SYT16: variants seen among roughly 807,000 people sequenced by gnomAD.
The protein encoded by SYT16 is synaptotagmin-16.
In SYT16, 42 loss-of-function variants were observed where a neutral mutation model predicts 61.4. That is an observed-to-expected ratio of 0.68 (90% confidence interval 0.53 to 0.89). The LOEUF is 0.89. SYT16 is among the 40% of genes least tolerant of loss of function. The probability of loss-of-function intolerance (pLI) is 0.00; values close to 1 mark genes in which losing one functional copy is unlikely to be tolerated. For synonymous variants in SYT16, 314 were observed against 302.3 expected (o/e 1.04, Z -0.40); for missense variants, 804 against 807.3 (o/e 1.00, Z 0.05).
At chr14:62,033,805 A>G (rs1201111548) in intron 3 of SYT16, among the ~76,000 whole-genome samples, 3 of 152,194 alleles carry the variant, frequency 2.0e-5, no homozygotes, top group Non-Finnish European at 2.9e-5. Context: ...ATGCAAAGCC[A>G]TATTAGATAT....
rs114742623 is a variant in SYT16 at position 61,821,166 on chromosome 14, A to G, written c.-325+8356A>G. Among the ~76,000 whole-genome samples the G allele has an allele frequency of 4.3e-3, 647 of 152,206 alleles. 3 individuals are homozygous for G. Among genetic ancestry groups the G allele is most frequent in the African/African-American group, 0.015 (609 of 41,564 alleles). On this transcript the variant is annotated intron_variant, in intron 1 of 7. Transcript: ENST00000683842. ...AACAGCCCTCCCCTTCTTCTCCACA[A>G]GAAAAAGGTAGAGGATGACCCCTCT... is the stretch of plus-strand genomic sequence containing the variant.
At chr14:61,840,973 G>A (rs1007303943) in intron 1 of SYT16, among the ~76,000 whole-genome samples, 10 of 152,138 alleles carry the variant, frequency 6.6e-5, no homozygotes, top group African/African-American at 9.7e-5. Context: ...AATAATCAAC[G>A]GAACAGTCAC....
intron 3 of SYT16, among the ~76,000 whole-genome samples, chr14:61,999,566 T>C (rs1235863510): frequency 1.3e-5 from 2 of 151,764 alleles, no homozygotes; most frequent in Non-Finnish European, 3.0e-5. Context: ...ATATCTCATT[T>C]TTGGTTTAAT....
At position 62,080,716 on chromosome 14, in the gene SYT16, G is replaced by T. The variant is rs553628502; in HGVS notation, c.994-118G>T. ...TAAACAGACCTATCTGATATAGAGG[G>T]AATACACTGGCAGTTAGAAAGCAGG... On this transcript the variant is annotated intron_variant, in intron 5 of 7. Coordinates refer to ENST00000683842, the MANE Select transcript of SYT16 (RefSeq NM_001367656.1). 3.2e-5 allele frequency: 32 copies of T among 985,636 alleles called. No homozygotes were observed. The African/African-American group carries it at 4.9e-4, about 15-fold the overall frequency. 61.1% of individuals were successfully genotyped at this position (985,636 alleles called of 1,614,324 possible). A position where few individuals can be genotyped will look rare whatever the true frequency, so the allele number is the denominator to read the frequency against.
chr14:61,834,505 T>C (rs953767127), intron 1 of SYT16, among the ~76,000 whole-genome samples: 10 of 142,430 alleles, frequency 7.0e-5, no homozygotes. Context: ...TGGTGTGATC[T>C]CGGCTCACTG....
chr14:61,947,689 A>G (rs1329120311), intron 1 of SYT16, among the ~76,000 whole-genome samples: 1 of 152,216 alleles, frequency 6.6e-6, no homozygotes, highest in Non-Finnish European at 1.5e-5. Flanking sequence ...GAATATGATG[A>G]TGAATAATAA....
intron 3 of SYT16, among the ~76,000 whole-genome samples, chr14:62,009,583 C>T (rs1433443339): frequency 1.3e-5 from 2 of 152,166 alleles, no homozygotes; most frequent in African/African-American, 2.4e-5. Context: ...CTGCAAACTA[C>T]GGTTCTCCTA....
intron 1 of SYT16, among the ~76,000 whole-genome samples, chr14:61,937,686 TG>T (rs1374502553): frequency 6.6e-6 from 1 of 152,138 alleles, no homozygotes; most frequent in Non-Finnish European, 1.5e-5. Context: ...GTTGTTTCAG[TG>T]GCAGAAATGG....
At chr14:61,873,817 C>G (rs771139059) in intron 1 of SYT16, among the ~76,000 whole-genome samples, 24 of 152,174 alleles carry the variant, frequency 1.6e-4, no homozygotes, top group Non-Finnish European at 2.6e-4. Context: ...TTCCTCTACC[C>G]TGTGGTCTTT....
chr14:62,101,188 C>T lies in SYT16; in HGVS notation c.*481C>T, dbSNP rs2057410500. 1 of 152,884 alleles carries T rather than the reference C, an allele frequency of 6.5e-6. No homozygotes were observed. The allele number at this position is 152,884 out of a possible 1,614,324, so 9.5% of individuals were successfully genotyped here. A position where few individuals can be genotyped will look rare whatever the true frequency, so the allele number is the denominator to read the frequency against. Reference sequence around the variant, plus strand: ...CCTCATAAAAGAATCAAACTCTAATCCATAAACTCTTATTTCACATTTTTC... The same window carrying T: ...CCTCATAAAAGAATCAAACTCTAATTCATAAACTCTTATTTCACATTTTTC... On this transcript the variant is annotated 3_prime_UTR_variant, in exon 8 of 8. Coordinates refer to ENST00000683842, the MANE Select transcript of SYT16 (RefSeq NM_001367656.1).
intron 1 of SYT16, among the ~76,000 whole-genome samples, chr14:61,887,678 C>T (rs1296949522): frequency 6.6e-6 from 1 of 152,232 alleles, no homozygotes; most frequent in South Asian, 2.1e-4. Flanking sequence ...CCTTAAACCT[C>T]ATGAACCAAC....
At chr14:62,080,320 G>A (rs549944506) in intron 5 of SYT16, among the ~76,000 whole-genome samples, 108 of 152,334 alleles carry the variant, frequency 7.1e-4, no homozygotes, top group African/African-American at 2.5e-3. Context: ...GAGAAGCTCA[G>A]CCCTAAACCT....
intron 3 of SYT16, among the ~76,000 whole-genome samples, chr14:62,023,451 C>A (rs1033462020): frequency 6.6e-6 from 1 of 152,086 alleles, no homozygotes; most frequent in African/African-American, 2.4e-5. Flanking sequence ...AATTGGCCAA[C>A]AACTTGGGGG....
At chr14:61,876,127 T>C (rs754191805) in intron 1 of SYT16, among the ~76,000 whole-genome samples, 1 of 152,222 alleles carries the variant, frequency 6.6e-6, no homozygotes, top group Non-Finnish European at 1.5e-5. Flanking sequence ...GGGATATTTA[T>C]TTCAATAGGG....
chr14:61,930,198 A>G (rs930556199), intron 1 of SYT16, among the ~76,000 whole-genome samples: 4 of 152,096 alleles, frequency 2.6e-5, no homozygotes, highest in South Asian at 2.1e-4. Context: ...ATCTGCTCCT[A>G]TCTCTCACTT....
chr14:62,049,152 G>A (rs562014207), intron 3 of SYT16, among the ~76,000 whole-genome samples: 1 of 152,254 alleles, frequency 6.6e-6, no homozygotes, highest in South Asian at 2.1e-4. Flanking sequence ...TTATGAATCT[G>A]GGTGCTCCTG....
intron 2 of SYT16, among the ~76,000 whole-genome samples, chr14:61,986,507 T>C (rs2052322089): frequency 6.6e-6 from 1 of 151,680 alleles, no homozygotes; most frequent in African/African-American, 2.4e-5. Flanking sequence ...AACATGCAGG[T>C]TTGTTACATA....
intron 1 of SYT16, among the ~76,000 whole-genome samples, chr14:61,895,259 T>TA (rs1182465165): frequency 1.3e-5 from 2 of 152,186 alleles, no homozygotes; most frequent in African/African-American, 4.8e-5. Flanking sequence ...TAAATTTTTT[T>TA]TAAAAAAATC....
chr14:61,885,189 A>G (rs971114373), intron 1 of SYT16, among the ~76,000 whole-genome samples: 3 of 152,202 alleles, frequency 2.0e-5, no homozygotes, highest in Non-Finnish European at 4.4e-5. Flanking sequence ...GAGTAAGATC[A>G]TGGGCTCTTG....
Sources: allele counts gnomAD v4.1 joint callset (sites outside exome capture counted in the v4.1 genomes callset), GRCh38; gene constraint gnomAD v4.1.1; transcripts MANE v1.5; gene names NCBI Gene and HGNC (gene_info 2026-07-23, HGNC 2026-07-21).